Variants in ZNF491 observed in about 807,000 individuals in gnomAD.
ZNF491 encodes the protein zinc finger protein 491.
In ZNF491, 22 loss-of-function variants were observed where a neutral mutation model predicts 34.7. That is an observed-to-expected ratio of 0.63 (90% CI 0.45 to 0.90). The LOEUF (loss-of-function observed/expected upper bound fraction) is 0.90. Ranked by LOEUF, ZNF491 falls within the 40% of genes least tolerant of loss-of-function variation. The pLI, the probability that ZNF491 is intolerant of heterozygous loss-of-function variation, is 0.00. For missense variants in ZNF491, 559 were observed against 531.7 expected, an observed-to-expected ratio of 1.05 and a Z score of -0.51; for synonymous variants, 148 against 174.3, an observed-to-expected ratio of 0.85 and a Z score of 1.19.
At position 11,807,359 on chromosome 19, in the gene ZNF491, C is replaced by T; in HGVS notation, c.*92C>T. The T allele has an allele frequency of 1.1e-6, 1 of 893,678 alleles. No homozygotes were observed. Among genetic ancestry groups the T allele is most frequent in the Non-Finnish European group, 1.6e-6 (1 of 616,384 alleles). 55.4% of individuals were successfully genotyped at this position (893,678 alleles called of 1,614,324 possible). ...CTTGAACTCCTGGCCTCAAGCATCC[C>T]TCCCAGCTTGAAGTGTCAATAAAGG... is the stretch of plus-strand genomic sequence containing the variant. On this transcript the variant is annotated 3_prime_UTR_variant, in exon 3 of 3. Transcript: ENST00000323169.
chr19:11,805,909 A>G (rs1305004957), intron 2 of ZNF491, 38 bp from the exon 3 acceptor site: 1 of 1,462,138 alleles, frequency 6.8e-7, no homozygotes, highest in African/African-American at 1.4e-5. Context: ...AATCGCTTAT[A>G]AACAGACCCT....
At chr19:11,802,741 G>T (rs536354949) in intron 1 of ZNF491, among the ~76,000 whole-genome samples, 1 of 152,290 alleles carries the variant, frequency 6.6e-6, no homozygotes, top group African/African-American at 2.4e-5. Context: ...GGATTTGCCT[G>T]TGCTGTTTGA....
intron 1 of ZNF491, among the ~76,000 whole-genome samples, chr19:11,804,025 A>G (rs1302028908): frequency 6.6e-6 from 1 of 152,110 alleles, no homozygotes; most frequent in African/African-American, 2.4e-5. Flanking sequence ...CAACATGGTG[A>G]AACCCCGTCT....
At chr19:11,799,753 G>T (rs1975539152) in intron 1 of ZNF491, among the ~76,000 whole-genome samples, 1 of 151,984 alleles carries the variant, frequency 6.6e-6, no homozygotes, top group African/African-American at 2.4e-5. Context: ...GGCCAACATG[G>T]TGAAACCCCG....
chr19:11,800,930 G>T (rs1211934816), intron 1 of ZNF491, among the ~76,000 whole-genome samples: 1 of 151,844 alleles, frequency 6.6e-6, no homozygotes, highest in Non-Finnish European at 1.5e-5. Context: ...TACTATACTC[G>T]GGAGACTAAG....
In ZNF491 at chr19:11,806,582, C is replaced by G. The variant is rs765609903; in HGVS notation, c.629C>G (p.Thr210Arg). ...SSFRRHERTH[T>R]GEKPYKCKEC... ...TTTCGCAGACATGAAAGGACACACACAGGAGAGAAGCCGTACAAATGTAAG... is the reference window on the plus strand; with the variant it reads ...TTTCGCAGACATGAAAGGACACACAGAGGAGAGAAGCCGTACAAATGTAAG... The change falls in exon 3 of 3, where the codon ACA (threonine) becomes AGA (arginine). Residue 210 changes from threonine to arginine, a missense_variant. Thr to Arg is a moderately conservative substitution (Grantham distance 71). Coordinates refer to ENST00000323169, the MANE Select transcript of ZNF491 (RefSeq NM_152356.4). 1.4e-5 allele frequency: 23 copies of G among 1,614,090 alleles called. 1 individual carries two copies. In the East Asian group the frequency reaches 3.1e-4, roughly 22 times the overall value.
intron 1 of ZNF491, among the ~76,000 whole-genome samples, chr19:11,800,863 A>C (rs1001800161): frequency 1.3e-5 from 2 of 151,812 alleles, no homozygotes; most frequent in South Asian, 4.2e-4. Context: ...TCTCATCTCT[A>C]CTGAAAACAA....
chr19:11,800,695 A>G (rs754176212), intron 1 of ZNF491, among the ~76,000 whole-genome samples: 28 of 152,030 alleles, frequency 1.8e-4, no homozygotes, highest in Middle Eastern at 3.4e-3. Context: ...AGATTTTTGT[A>G]TTTTTAGTAG....
intron 1 of ZNF491, among the ~76,000 whole-genome samples, chr19:11,799,648 G>C (rs1429412690): frequency 6.6e-6 from 1 of 151,938 alleles, no homozygotes; most frequent in East Asian, 1.9e-4. Context: ...AAAATTAGTC[G>C]GGTATGGCCG....
In ZNF491 at chr19:11,804,549, T is replaced by G; in HGVS notation, c.-126T>G. On this transcript the variant is annotated 5_prime_UTR_variant, in exon 2 of 3. Coordinates refer to ENST00000323169, the MANE Select transcript of ZNF491 (RefSeq NM_152356.4). ...ACATGTGAGATGTTTCAGGACCCAGTGGCCTTTGAGGATGTGGCTGTGAAC... is the reference window on the plus strand; with the variant it reads ...ACATGTGAGATGTTTCAGGACCCAGGGGCCTTTGAGGATGTGGCTGTGAAC... 1 of 1,556,630 alleles carries G rather than the reference T, an allele frequency of 6.4e-7. No individual in the cohort carries two copies. Among genetic ancestry groups the G allele is most frequent in the Admixed American group, 2.0e-5 (1 of 49,626 alleles).
chr19:11,803,143 C>T (rs939635382), intron 1 of ZNF491, among the ~76,000 whole-genome samples: 12 of 151,868 alleles, frequency 7.9e-5, no homozygotes, highest in South Asian at 2.1e-4. Context: ...CCACCACACC[C>T]GGCTAATTTT....
chr19:11,806,273 A>G lies in ZNF491; in HGVS notation c.320A>G (p.Glu107Gly). ...AGAGAGAAACCTTTTGATTGTAAGG[A>G]ATGTGAAAAATCTTTCATTTCTCCT... ...HTREKPFDCK[E>G]CEKSFISPAS... Residue 107 changes from glutamate to glycine, a missense_variant, in exon 3 of 3, where the codon GAA becomes GGA. Coordinates refer to ENST00000323169, the MANE Select transcript of ZNF491 (RefSeq NM_152356.4). 1 of 1,606,448 alleles carries G rather than the reference A, an allele frequency of 6.2e-7. No homozygotes were observed. Among genetic ancestry groups the G allele is most frequent in the Non-Finnish European group, 8.5e-7 (1 of 1,177,956 alleles).
intron 1 of ZNF491, among the ~76,000 whole-genome samples, chr19:11,799,873 C>T (rs1016784447): frequency 1.8e-4 from 28 of 151,450 alleles, no homozygotes; most frequent in African/African-American, 5.6e-4. Flanking sequence ...GCGGAGGTTG[C>T]GTGAGCCGAG....
intron 1 of ZNF491, among the ~76,000 whole-genome samples, chr19:11,803,730 C>T (rs1476945224): frequency 6.6e-6 from 1 of 152,226 alleles, no homozygotes; most frequent in Non-Finnish European, 1.5e-5. Flanking sequence ...TCACTTGATA[C>T]ACCTGGTGAC....
rs771653361 is a variant in ZNF491 at position 11,806,649 on chromosome 19, G to T, written c.696G>T (p.Arg232Ser). 4.3e-6 allele frequency: 7 copies of T among 1,612,526 alleles called. No individual in the cohort carries two copies. In the Admixed American group the frequency reaches 1.2e-4, roughly 27 times the overall value. The change falls in exon 3 of 3, where the codon AGG (arginine) becomes AGT (serine). Residue 232 changes from arginine (R) to serine (S), a missense_variant. Physicochemically the swap from Arg to Ser is moderately radical, Grantham distance 110. Coordinates refer to ENST00000323169, the MANE Select transcript of ZNF491 (RefSeq NM_152356.4). ...TCAATTGTCCCAGTTCTTTTCACAGGCATGAAAGGACTCACACAGGAGAAA... is the reference window on the plus strand; with the variant it reads ...TCAATTGTCCCAGTTCTTTTCACAGTCATGAAAGGACTCACACAGGAGAAA... ...KAFNCPSSFH[R>S]HERTHTGEKP...
At position 11,806,879 on chromosome 19, in the gene ZNF491, C is replaced by T. The variant is rs141408123; in HGVS notation, c.926C>T (p.Thr309Ile). ...TGCAAGCAATGTGGGAAAGCCTTCA[C>T]TTGTTCCACTTCGTTTCAATATCAT... ...YKCKQCGKAF[T>I]CSTSFQYHER... Residue 309 changes from threonine (T) to isoleucine (I), a missense_variant, in exon 3 of 3, where the codon ACT becomes ATT. Physicochemically the swap from Thr to Ile is moderately conservative, Grantham distance 89. Transcript: ENST00000323169. 7.0e-5 allele frequency: 113 copies of T among 1,609,644 alleles called. No individual in the cohort carries two copies. Among genetic ancestry groups the T allele is most frequent in the Non-Finnish European group, 9.0e-5 (106 of 1,178,396 alleles).
Position 11,807,396 on chromosome 19 carries a change from A to C in ZNF491, c.*129A>C. 1.5e-6 allele frequency: 1 copy of C among 646,182 alleles called. No homozygotes were observed. Among genetic ancestry groups the C allele is most frequent in the Non-Finnish European group, 2.5e-6 (1 of 398,564 alleles). 40.0% of individuals were successfully genotyped at this position (646,182 alleles called of 1,614,324 possible). A position where few individuals can be genotyped will look rare whatever the true frequency, so the allele number is the denominator to read the frequency against. ...AGTGTCAATAAAGGAAGGCAATAAA[A>C]TGTAGAGATGGAGTTAGGTGATGCC... On this transcript the variant is annotated 3_prime_UTR_variant, in exon 3 of 3. Transcript: ENST00000323169.
At position 11,807,939 on chromosome 19, in the gene ZNF491, G is replaced by C. The variant is rs17001666; in HGVS notation, c.*672G>C. The C allele has an allele frequency of 0.12, 19,486 of 167,096 alleles. 2,191 individuals are homozygous for C. The highest frequency in any genetic ancestry group is 0.29 in the African/African-American group (12,153 of 41,484). The allele number at this position is 167,096 out of a possible 1,614,324, so 10.4% of individuals were successfully genotyped here. A position where few individuals can be genotyped will look rare whatever the true frequency, so the allele number is the denominator to read the frequency against. ...TCATCCAGGACTCTCATGTGAGAAG[G>C]AACACCTTGCTCTGGTCAGGAAATG... is the stretch of plus-strand genomic sequence containing the variant. On this transcript the variant is annotated 3_prime_UTR_variant, in exon 3 of 3. Coordinates refer to ENST00000323169, the MANE Select transcript of ZNF491 (RefSeq NM_152356.4).
intron 1 of ZNF491, among the ~76,000 whole-genome samples, chr19:11,801,235 A>G (rs1975556173): frequency 6.6e-6 from 1 of 152,152 alleles, no homozygotes; most frequent in Non-Finnish European, 1.5e-5. Flanking sequence ...AATATTTTTT[A>G]TGAGAGGAAA....
Sources: gnomAD v4.1 joint callset for allele counts (sites outside exome capture counted in the v4.1 genomes callset) on GRCh38, gnomAD v4.1.1 for gene constraint, MANE v1.5 for transcripts, NCBI Gene and HGNC (gene_info 2026-07-23, HGNC 2026-07-21) for gene names.